Variants in TOP3A observed in about 807,000 individuals in gnomAD.
The protein encoded by TOP3A is DNA topoisomerase III alpha, also known as DNA topoisomerase 3-alpha.
A neutral mutation model predicts 111.3 loss-of-function variants in TOP3A; 64 were observed. The observed-to-expected ratio is 0.57, with a 90% CI of 0.47 to 0.71. The LOEUF (loss-of-function observed/expected upper bound fraction) is 0.71. TOP3A is among the 30% of genes least tolerant of loss of function. The pLI is 0.00. For missense variants in TOP3A, 1,104 were observed against 1,285.0 expected (o/e 0.86, Z 2.15); for synonymous variants, 484 against 485.1 (o/e 1.00, Z 0.03).
At chr17:18,287,306 G>A (rs1385847279) in intron 13 of TOP3A, among the ~76,000 whole-genome samples, 2 of 152,012 alleles carry the variant, frequency 1.3e-5, no homozygotes, top group Admixed American at 6.5e-5. Flanking sequence ...GACCGAGGCG[G>A]GTGGATCATT....
intron 1 of TOP3A, among the ~76,000 whole-genome samples, chr17:18,314,310 G>A (rs1982107756): frequency 6.6e-6 from 1 of 152,210 alleles, no homozygotes; most frequent in African/African-American, 2.4e-5. Context: ...AGACCCGAAG[G>A]GCAGCCAGCG....
chr17:18,284,177 T>A (rs1398799633), intron 15 of TOP3A, among the ~76,000 whole-genome samples: 3 of 150,250 alleles, frequency 2.0e-5, no homozygotes, highest in Admixed American at 1.3e-4. Context: ...TTTTTGTATT[T>A]TTTTTTTTTT....
chr17:18,302,653 A>G lies in TOP3A; in HGVS notation c.570T>C (p.Cys190=). Residue 190 remains cysteine (C), a synonymous_variant, in exon 6 of 19, where the codon TGT becomes TGC. Transcript: ENST00000321105. The part of the protein sequence containing the change: ...EITPHAVRTA[C]ENLTEPDQRV... ...TCTGATCAGGCTCGGTCAGGTTTTC[A>G]CAAGCTGTCCTGACGGCATGGGGTG... The G allele has an allele frequency of 6.2e-7, 1 of 1,614,112 alleles. No individual in the cohort carries two copies. Among genetic ancestry groups the G allele is most frequent in the East Asian group, 2.2e-5 (1 of 44,888 alleles).
At chr17:18,275,732 C>T (rs997912221) in intron 18 of TOP3A, among the ~76,000 whole-genome samples, 4 of 149,934 alleles carry the variant, frequency 2.7e-5, no homozygotes, top group Admixed American at 6.7e-5. Flanking sequence ...TGGCTCACTG[C>T]AAGCTCCGCC....
chr17:18,277,427 T>C (rs1979447130), intron 18 of TOP3A, among the ~76,000 whole-genome samples: 1 of 152,226 alleles, frequency 6.6e-6, no homozygotes, highest in Non-Finnish European at 1.5e-5. Flanking sequence ...GGAAGTATAC[T>C]TAGCATAGTG....
Position 18,285,027 on chromosome 17 carries a change from G to A in TOP3A, c.1877+115C>T, listed in dbSNP as rs56230317. ...GACTGGCCCAGATGCGGTGGCTCAC[G>A]CCTGTAATCCCCACACTTTGGGAGG... On this transcript the variant is annotated intron_variant, in intron 15 of 18. Transcript: ENST00000321105. 141,577 of 1,256,732 alleles carry A rather than the reference G, an allele frequency of 0.11. 8,881 individuals are homozygous for A. Among genetic ancestry groups the A allele is most frequent in the South Asian group, 0.18 (13,655 of 75,008 alleles). 77.8% of individuals were successfully genotyped at this position (1,256,732 alleles called of 1,614,324 possible). A position where few individuals can be genotyped will look rare whatever the true frequency, so the allele number is the denominator to read the frequency against.
At position 18,273,784 on chromosome 17, in the gene TOP3A, GTGCT is replaced by G. The variant is rs1404094612; in HGVS notation, c.*1014_*1017del. On this transcript the variant is annotated 3_prime_UTR_variant, in exon 19 of 19. Transcript: ENST00000321105. ...AGCTGAACTAAAGACGTGTACAACT[GTGCT>G]TGTTATATTTTTAAAAATAGAGACA... 6.6e-6 allele frequency: 1 copy of G among 151,988 alleles called. No homozygotes were observed. The highest frequency in any genetic ancestry group is 1.5e-5 in the Non-Finnish European group (1 of 68,024). 9.4% of individuals were successfully genotyped at this position (151,988 alleles called of 1,614,324 possible).
intron 11 of TOP3A, among the ~76,000 whole-genome samples, chr17:18,292,148 G>A (rs944689621): frequency 6.6e-6 from 1 of 152,240 alleles, no homozygotes; most frequent in African/African-American, 2.4e-5. Context: ...GCCTACAGAT[G>A]TAAACAAGCC....
chr17:18,311,161 C>T (rs1362787100), intron 1 of TOP3A, among the ~76,000 whole-genome samples: 3 of 150,922 alleles, frequency 2.0e-5, no homozygotes, highest in Non-Finnish European at 4.4e-5. Flanking sequence ...CCAGCATGCC[C>T]GGCTAATTTT....
At chr17:18,280,716 G>A in intron 16 of TOP3A, 58 bp from the exon 17 acceptor site, 1 of 1,592,932 alleles carries the variant, frequency 6.3e-7, no homozygotes, top group African/African-American at 1.3e-5. Flanking sequence ...TCCGCTGTTG[G>A]CCATCAGCTA....
At chr17:18,311,459 A>G (rs1001389538) in intron 1 of TOP3A, among the ~76,000 whole-genome samples, 1 of 152,076 alleles carries the variant, frequency 6.6e-6, no homozygotes, top group Non-Finnish European at 1.5e-5. Flanking sequence ...ACACCTGGCT[A>G]ATTTTTGTAT....
intron 8 of TOP3A, among the ~76,000 whole-genome samples, 166 bp downstream of exon 8, chr17:18,301,719 G>C (rs1376695069): frequency 4.6e-5 from 7 of 152,146 alleles, no homozygotes; most frequent in African/African-American, 1.7e-4. Flanking sequence ...TTTCCTTTTA[G>C]TGCTGTTCTC....
At chr17:18,303,906 A>C (rs1005516857) in intron 5 of TOP3A, among the ~76,000 whole-genome samples, 2 of 152,136 alleles carry the variant, frequency 1.3e-5, no homozygotes, top group Admixed American at 6.5e-5. Flanking sequence ...CCTTGTGAGA[A>C]ATACCCACAG....
intron 17 of TOP3A, 113 bp from the exon 18 acceptor site, chr17:18,278,470 G>A: frequency 1.0e-6 from 1 of 981,382 alleles, no homozygotes; most frequent in Non-Finnish European, 1.4e-6. Context: ...TTATGCATCA[G>A]GAAGCCCACA....
At chr17:18,283,269 T>C (rs1979882625) in intron 15 of TOP3A, among the ~76,000 whole-genome samples, 2 of 151,936 alleles carry the variant, frequency 1.3e-5, no homozygotes, top group Non-Finnish European at 2.9e-5. Context: ...CTCAGGAGGC[T>C]GAGGCAGGAG....
chr17:18,310,714 T>C (rs1981858959), intron 1 of TOP3A, among the ~76,000 whole-genome samples: 1 of 152,150 alleles, frequency 6.6e-6, no homozygotes. Context: ...GGTGGCACAT[T>C]TAGTGGACAA....
At chr17:18,276,279 C>G (rs1321292779) in intron 18 of TOP3A, among the ~76,000 whole-genome samples, 2 of 152,212 alleles carry the variant, frequency 1.3e-5, no homozygotes, top group Non-Finnish European at 2.9e-5. Context: ...GTCCCCTCAA[C>G]AGGCCTTTCC....
intron 5 of TOP3A, chr17:18,302,969 G>A: frequency 2.3e-6 from 1 of 436,900 alleles, no homozygotes; most frequent in Non-Finnish European, 4.1e-6. Context: ...GTAACTGTGG[G>A]GAAAAGAGAG....
chr17:18,297,376 G>T (rs1452053282), intron 9 of TOP3A, among the ~76,000 whole-genome samples: 3 of 152,180 alleles, frequency 2.0e-5, no homozygotes, highest in African/African-American at 7.2e-5. Flanking sequence ...GGTGAGCTGA[G>T]ACCGCACCAT....
Sources: gnomAD v4.1 joint callset for allele counts (sites outside exome capture counted in the v4.1 genomes callset) on GRCh38, gnomAD v4.1.1 for gene constraint, MANE v1.5 for transcripts, NCBI Gene and HGNC (gene_info 2026-07-23, HGNC 2026-07-21) for gene names.